Variants in ERBB4 observed in about 807,000 individuals in gnomAD.
ERBB4 encodes erb-b2 receptor tyrosine kinase 4.
Under a neutral mutation model 158.0 loss-of-function variants are expected in ERBB4, and 42 were observed. The ratio of observed to expected loss-of-function variants is 0.27; its 90% CI spans 0.21 to 0.34. The LOEUF is 0.34. Ranked by LOEUF, ERBB4 falls within the 10% of genes least tolerant of loss-of-function variation. The probability of loss-of-function intolerance (pLI) is 1.00; values close to 1 mark genes in which losing one functional copy is unlikely to be tolerated. For missense variants in ERBB4, 1,333 were observed against 1,624.1 expected, an observed-to-expected ratio of 0.82 and a Z score of 3.08; for synonymous variants, 583 against 558.7, an observed-to-expected ratio of 1.04 and a Z score of -0.61.
intron 25 of ERBB4, 100 bp from the exon 26 acceptor site, chr2:211,388,092 G>A (rs909126674): frequency 2.3e-6 from 2 of 871,742 alleles, no homozygotes; most frequent in Non-Finnish European, 3.9e-6. Flanking sequence ...TGGGTCGTAT[G>A]AACCAAAGGG....
At chr2:211,880,536 T>C (rs888271435) in intron 3 of ERBB4, among the ~76,000 whole-genome samples, 1 of 152,086 alleles carries the variant, frequency 6.6e-6, no homozygotes, top group African/African-American at 2.4e-5. Flanking sequence ...ATGTGTATCA[T>C]GAAAAAAACT....
intron 2 of ERBB4, among the ~76,000 whole-genome samples, chr2:212,077,308 G>A (rs547834541): frequency 6.6e-5 from 10 of 151,790 alleles, no homozygotes; most frequent in African/African-American, 2.2e-4. Flanking sequence ...CTTATACACC[G>A]TAAGATATAT....
chr2:212,253,825 TCA>T (rs1204833596), intron 1 of ERBB4, among the ~76,000 whole-genome samples: 1 of 152,174 alleles, frequency 6.6e-6, no homozygotes, highest in Non-Finnish European at 1.5e-5. Context: ...TGTGGGAACA[TCA>T]CAGAGTGTAT....
chr2:211,382,469 A>G lies in ERBB4; in HGVS notation c.*1146T>C, dbSNP rs991344793. ...TAGTTAATTTGCTGGTTGCTTCCAT[A>G]TTGCTTGATTCAAAATCCAAAATGG... On this transcript the variant is annotated 3_prime_UTR_variant, in exon 28 of 28. Transcript: ENST00000342788. 1 of 232,360 alleles carries G rather than the reference A, an allele frequency of 4.3e-6. No individual in the cohort carries two copies. Among genetic ancestry groups the G allele is most frequent in the Non-Finnish European group, 8.5e-6 (1 of 117,324 alleles). 14.4% of individuals were successfully genotyped at this position (232,360 alleles called of 1,614,324 possible). A position where few individuals can be genotyped will look rare whatever the true frequency, so the allele number is the denominator to read the frequency against.
At chr2:211,704,467 TAC>T (rs1347550344) in intron 10 of ERBB4, among the ~76,000 whole-genome samples, 2 of 152,292 alleles carry the variant, frequency 1.3e-5, no homozygotes, top group South Asian at 4.1e-4. Flanking sequence ...AAGAGAAAAA[TAC>T]AGTTTCAATT....
At chr2:212,063,641 T>G (rs1017710907) in intron 2 of ERBB4, among the ~76,000 whole-genome samples, 1 of 151,956 alleles carries the variant, frequency 6.6e-6, no homozygotes, top group South Asian at 2.1e-4. Flanking sequence ...ATTGAGAACA[T>G]AATAATTTAA....
chr2:212,456,433 G>A (rs2034349212), intron 1 of ERBB4, among the ~76,000 whole-genome samples: 2 of 151,772 alleles, frequency 1.3e-5, no homozygotes, highest in Admixed American at 1.3e-4. Context: ...ACAAGTAGAA[G>A]AAATAGAAAT....
chr2:211,483,553 GT>G (rs2065134699), intron 20 of ERBB4, among the ~76,000 whole-genome samples: 2 of 148,512 alleles, frequency 1.3e-5, no homozygotes, highest in South Asian at 4.3e-4. Flanking sequence ...TTTGTTTTTG[GT>G]TTTTGTGTTT....
intron 19 of ERBB4, among the ~76,000 whole-genome samples, chr2:211,594,702 G>T (rs1464129875): frequency 6.6e-6 from 1 of 151,824 alleles, no homozygotes; most frequent in Non-Finnish European, 1.5e-5. Flanking sequence ...AGATGGACAT[G>T]GTATCTTACA....
chr2:212,039,649 C>T (rs950771995), intron 2 of ERBB4, among the ~76,000 whole-genome samples: 3 of 152,130 alleles, frequency 2.0e-5, no homozygotes, highest in African/African-American at 7.2e-5. Context: ...GTGCCAGCTT[C>T]TGTGATAACC....
chr2:212,231,410 T>C (rs994479388), intron 1 of ERBB4, among the ~76,000 whole-genome samples: 3 of 152,062 alleles, frequency 2.0e-5, no homozygotes, highest in Non-Finnish European at 2.9e-5. Flanking sequence ...AAGAAGAAAA[T>C]ATTTTTCTTT....
rs561320354 is a variant in ERBB4, at chr2:211,433,473, C to T, written c.2488-2373G>A. Among the ~76,000 whole-genome samples, 98 of 151,544 alleles carry T rather than the reference C, an allele frequency of 6.5e-4. 1 individual carries two copies. In the Middle Eastern group the frequency reaches 0.01, roughly 16 times the overall value. ...GTGGGCGCCTGTAGTCCCAGCTACT[C>T]GGGAGGCTGAGGCAGGAGGATGGCG... On this transcript the variant is annotated intron_variant, in intron 20 of 27. Transcript: ENST00000342788.
intron 2 of ERBB4, among the ~76,000 whole-genome samples, chr2:212,093,769 G>T (rs980189476): frequency 6.6e-6 from 1 of 152,154 alleles, no homozygotes; most frequent in African/African-American, 2.4e-5. Flanking sequence ...AATATATAAA[G>T]ACATGCTATT....
intron 20 of ERBB4, among the ~76,000 whole-genome samples, chr2:211,550,356 A>G (rs1239320753): frequency 6.6e-6 from 1 of 151,786 alleles, no homozygotes; most frequent in African/African-American, 2.4e-5. Flanking sequence ...CTGATACTAT[A>G]GAATAATTCT....
rs2062567365 is a variant in ERBB4 at position 211,381,095 on chromosome 2, C to T, written c.*2520G>A. ...AGACTTCTCTGAATGGATAGGAGAG[C>T]CCTGAGCTATTAGATTGTGGCCCCT... On this transcript the variant is annotated 3_prime_UTR_variant, in exon 28 of 28. Coordinates refer to ENST00000342788, the MANE Select transcript of ERBB4 (RefSeq NM_005235.3). 8.6e-6 allele frequency: 2 copies of T among 232,334 alleles called. No individual in the cohort carries two copies. Among genetic ancestry groups the T allele is most frequent in the African/African-American group, 2.2e-5 (1 of 45,264 alleles). The allele number at this position is 232,334 out of a possible 1,614,324, so 14.4% of individuals were successfully genotyped here. A position where few individuals can be genotyped will look rare whatever the true frequency, so the allele number is the denominator to read the frequency against.
chr2:212,225,999 T>G (rs916837513), intron 1 of ERBB4, among the ~76,000 whole-genome samples: 1 of 152,174 alleles, frequency 6.6e-6, no homozygotes, highest in Non-Finnish European at 1.5e-5. Flanking sequence ...TTGACTTTGA[T>G]GTAATGAAAA....
rs534438761 is a variant in ERBB4 at position 212,280,746 on chromosome 2, A to T, written c.83-155843T>A. Among the ~76,000 whole-genome samples, 5 of 151,802 alleles carry T rather than the reference A, an allele frequency of 3.3e-5. No homozygotes were observed. In the South Asian group the frequency reaches 1.0e-3, roughly 31 times the overall value. On this transcript the variant is annotated intron_variant, in intron 1 of 27. Transcript: ENST00000342788. Reference sequence around the variant, plus strand: ...AAGAAGCAAACCACAGTGGAAAAAGATGCAGGCATGAAGTAAAAGCATCAT... The same window carrying T: ...AAGAAGCAAACCACAGTGGAAAAAGTTGCAGGCATGAAGTAAAAGCATCAT...
intron 1 of ERBB4, among the ~76,000 whole-genome samples, chr2:212,530,323 A>G (rs1692684858): frequency 6.6e-6 from 1 of 152,168 alleles, no homozygotes; most frequent in Admixed American, 6.5e-5. Flanking sequence ...AGACAAAAGG[A>G]ATTCCTGAAA....
chr2:211,845,245 C>T lies in ERBB4; in HGVS notation c.422-57086G>A, dbSNP rs564315195. ...CCTAGACAAATCAAATCAGAAACCA[C>T]GCTCCATCACTATCCCCACCACCAA... On this transcript the variant is annotated intron_variant, in intron 3 of 27. Transcript: ENST00000342788. Among the ~76,000 whole-genome samples, 41 of 152,042 alleles carry T rather than the reference C, an allele frequency of 2.7e-4. No homozygotes were observed. In the South Asian group the frequency reaches 3.5e-3, roughly 13 times the overall value.
Sources: allele counts gnomAD v4.1 joint callset (sites outside exome capture counted in the v4.1 genomes callset), GRCh38; gene constraint gnomAD v4.1.1; transcripts MANE v1.5; gene names NCBI Gene and HGNC (gene_info 2026-07-23, HGNC 2026-07-21).